Variants in DECR1 observed in about 807,000 individuals in gnomAD.
The protein encoded by DECR1 is 2,4-dienoyl-CoA reductase [(3E)-enoyl-CoA-producing], mitochondrial.
A neutral mutation model predicts 38.8 loss-of-function variants in DECR1; 44 were observed. The ratio of observed to expected loss-of-function variants is 1.13; its 90% CI spans 0.89 to 1.46. The LOEUF (loss-of-function observed/expected upper bound fraction) is 1.46. Among genes scored for constraint, DECR1 ranks in the 40% most tolerant of loss-of-function variants. The pLI is 0.00. For missense variants in DECR1, 428 were observed against 405.5 expected, an observed-to-expected ratio of 1.06 and a Z score of -0.48; for synonymous variants, 148 against 135.2, an observed-to-expected ratio of 1.09 and a Z score of -0.66.
intron 1 of DECR1, among the ~76,000 whole-genome samples, chr8:90,016,079 GA>G (rs1210551904): frequency 6.6e-6 from 1 of 152,156 alleles, no homozygotes; most frequent in Non-Finnish European, 1.5e-5. Flanking sequence ...CATGTAATGT[GA>G]GTACAAGCTG....
At chr8:90,031,092 G>A (rs770583695) in intron 5 of DECR1, among the ~76,000 whole-genome samples, 23 of 152,206 alleles carry the variant, frequency 1.5e-4, no homozygotes, top group Non-Finnish European at 1.9e-4. Context: ...TAAGAGTGCA[G>A]GCTCTAGAGC....
intron 1 of DECR1, among the ~76,000 whole-genome samples, chr8:90,003,383 A>G (rs148486292): frequency 6.6e-5 from 10 of 152,338 alleles, no homozygotes; most frequent in African/African-American, 2.4e-4. Context: ...AATTTAATAA[A>G]TATTTATTGA....
chr8:90,019,705 A>G (rs57317967), intron 4 of DECR1, among the ~76,000 whole-genome samples: 33,291 of 151,808 alleles, frequency 0.22, 6,543 homozygotes, highest in African/African-American at 0.52. Context: ...CTGTGATGGA[A>G]CTCTGCCTCC....
intron 1 of DECR1, among the ~76,000 whole-genome samples, chr8:90,009,521 G>T (rs566911758): frequency 8.8e-5 from 13 of 148,316 alleles, no homozygotes; most frequent in African/African-American, 3.0e-4. Flanking sequence ...TTTTACTGCC[G>T]TACTGCCATG....
At chr8:90,051,491 G>A (rs1021018419) in intron 8 of DECR1, among the ~76,000 whole-genome samples, 186 bp from the exon 9 acceptor site, 1 of 152,130 alleles carries the variant, frequency 6.6e-6, no homozygotes. Context: ...TTGTGGAGAT[G>A]TTAGAAATAG....
intron 6 of DECR1, 55 bp downstream of exon 6, chr8:90,036,995 T>C: frequency 1.6e-6 from 2 of 1,267,914 alleles, no homozygotes; most frequent in Non-Finnish European, 2.3e-6. Context: ...AGTTGGTGGC[T>C]CAGGGAACTG....
intron 1 of DECR1, among the ~76,000 whole-genome samples, chr8:90,009,982 A>G (rs1162840845): frequency 1.3e-5 from 2 of 152,234 alleles, no homozygotes; most frequent in Non-Finnish European, 2.9e-5. Flanking sequence ...AAAATGTATC[A>G]TTCCTCAAAA....
At chr8:90,050,013 T>C (rs1235006083) in intron 8 of DECR1, among the ~76,000 whole-genome samples, 1 of 152,170 alleles carries the variant, frequency 6.6e-6, no homozygotes, top group Non-Finnish European at 1.5e-5. Context: ...TTACTCCTTA[T>C]ACAAAAATTA....
intron 5 of DECR1, among the ~76,000 whole-genome samples, chr8:90,026,073 C>A (rs951962267): frequency 2.6e-5 from 4 of 152,120 alleles, no homozygotes; most frequent in African/African-American, 4.8e-5. Context: ...GGGATGAAGC[C>A]CACTTGATCA....
At position 90,015,661 on chromosome 8, in the gene DECR1, G is replaced by A. The variant is rs547789487; in HGVS notation, c.70-1463G>A. The A allele has an allele frequency of 7.1e-4, 325 of 456,360 alleles. 2 individuals carry two copies. Among genetic ancestry groups the A allele is most frequent in the African/African-American group, 6.2e-3 (313 of 50,170 alleles). The allele number at this position is 456,360 out of a possible 1,614,324, so 28.3% of individuals were successfully genotyped here. A position where few individuals can be genotyped will look rare whatever the true frequency, so the allele number is the denominator to read the frequency against. The stretch of plus-strand genomic sequence containing the variant: ...TTTAGCTACAGGAATACTCTGGAAG[G>A]AAATGGTAGCTTCTGGAGTTTTAAC... On this transcript the variant is annotated intron_variant, in intron 1 of 9. Coordinates refer to ENST00000220764, the MANE Select transcript of DECR1 (RefSeq NM_001359.2).
At chr8:90,028,403 G>A (rs946990644) in intron 5 of DECR1, among the ~76,000 whole-genome samples, 1 of 151,362 alleles carries the variant, frequency 6.6e-6, no homozygotes, top group Non-Finnish European at 1.5e-5. Context: ...TGCTTTTCTT[G>A]CATGTATTTA....
chr8:90,026,037 T>G (rs958267434), intron 5 of DECR1, among the ~76,000 whole-genome samples: 1 of 152,160 alleles, frequency 6.6e-6, no homozygotes, highest in African/African-American at 2.4e-5. Context: ...TTGATTTGCA[T>G]AATGTTGAAC....
At chr8:90,048,578 C>G (rs544879667) in intron 8 of DECR1, among the ~76,000 whole-genome samples, 1 of 152,272 alleles carries the variant, frequency 6.6e-6, no homozygotes, top group South Asian at 2.1e-4. Flanking sequence ...CAGGACCAGA[C>G]AGATTCACAG....
At chr8:90,033,489 A>G (rs1813545925) in intron 5 of DECR1, among the ~76,000 whole-genome samples, 2 of 152,178 alleles carry the variant, frequency 1.3e-5, no homozygotes, top group Non-Finnish European at 1.5e-5. Flanking sequence ...ACAAGAAGGA[A>G]AATATATGTG....
intron 1 of DECR1, among the ~76,000 whole-genome samples, chr8:90,011,336 T>A (rs1217505222): frequency 2.6e-5 from 4 of 152,236 alleles, no homozygotes; most frequent in African/African-American, 9.6e-5. Context: ...AGATGTGCTC[T>A]AATTCATTGG....
intron 1 of DECR1, chr8:90,005,961 T>C (rs1443022542): frequency 2.0e-6 from 1 of 506,986 alleles, no homozygotes; most frequent in African/African-American, 1.9e-5. Flanking sequence ...TGAGAGGGTG[T>C]TGGGAGGTGC....
chr8:90,029,690 G>T (rs768609766), intron 5 of DECR1, among the ~76,000 whole-genome samples: 20 of 152,106 alleles, frequency 1.3e-4, no homozygotes, highest in Middle Eastern at 3.2e-3. Flanking sequence ...TTCTTCTGGA[G>T]TCCCTGATGT....
intron 6 of DECR1, among the ~76,000 whole-genome samples, chr8:90,041,378 A>T (rs1336142669): frequency 6.6e-6 from 1 of 152,138 alleles, no homozygotes; most frequent in Non-Finnish European, 1.5e-5. Context: ...TCTGGATATT[A>T]GCCATTTATC....
intron 1 of DECR1, among the ~76,000 whole-genome samples, chr8:90,007,983 A>G (rs1247341181): frequency 6.6e-6 from 1 of 152,266 alleles, no homozygotes; most frequent in Non-Finnish European, 1.5e-5. Context: ...GCATTGTAAC[A>G]TAAAAGCAGT....
Sources: gnomAD v4.1 joint callset for allele counts (sites outside exome capture counted in the v4.1 genomes callset) on GRCh38, gnomAD v4.1.1 for gene constraint, MANE v1.5 for transcripts, NCBI Gene and HGNC (gene_info 2026-07-23, HGNC 2026-07-21) for gene names.